Variants in TNN observed in about 807,000 individuals in gnomAD.
The protein encoded by TNN is tenascin N, also known as tenascin-N.
A neutral mutation model predicts 134.4 loss-of-function variants in TNN; 122 were observed. The ratio of observed to expected loss-of-function variants is 0.91; its 90% confidence interval spans 0.78 to 1.06. TNN has a LOEUF of 1.06. Among genes scored for constraint, TNN ranks in the 50% least tolerant of loss-of-function variants. TNN has a pLI of 0.00. For missense variants in TNN, 1,739 were observed against 1,699.4 expected (o/e 1.02, Z -0.41); for synonymous variants, 710 against 670.3 (o/e 1.06, Z -0.91).
At chr1:175,086,196 T>A (rs1391040395) in intron 6 of TNN, among the ~76,000 whole-genome samples, 1 of 152,242 alleles carries the variant, frequency 6.6e-6, no homozygotes. Context: ...TTTTTCCTGA[T>A]GCCCACATTC....
rs199634558 is a variant in TNN, at chr1:175,098,433, C to T, written c.1957C>T (p.Arg653Cys). 95 of 1,614,050 alleles carry T rather than the reference C, an allele frequency of 5.9e-5. No homozygotes were observed. The highest frequency in any genetic ancestry group is 6.9e-5 in the Non-Finnish European group (81 of 1,180,044). ...VQAAIDKYVV[R>C]YTSAGGETRE... is the part of the protein sequence containing the mutation. ...GGCCGCCATTGACAAGTACGTGGTG[C>T]GCTACACCTCTGCTGGTGGAGAGAC... is the stretch of plus-strand genomic sequence containing the variant. The change falls in exon 9 of 19, where the codon CGC (arginine) becomes TGC (cysteine). Residue 653 changes from arginine to cysteine, a missense_variant. Coordinates refer to ENST00000239462, the MANE Select transcript of TNN (RefSeq NM_022093.2).
chr1:175,072,235 A>T (rs1317816648), intron 1 of TNN, among the ~76,000 whole-genome samples: 1 of 152,122 alleles, frequency 6.6e-6, no homozygotes, highest in Non-Finnish European at 1.5e-5. Flanking sequence ...AGTCTAATGT[A>T]TCCCTCCCTC....
intron 1 of TNN, among the ~76,000 whole-genome samples, chr1:175,073,033 C>T (rs533350595): frequency 9.6e-5 from 14 of 145,538 alleles, no homozygotes; most frequent in Non-Finnish European, 1.5e-4. Context: ...ATGGAAAGCA[C>T]GGGCAGAGAA....
intron 1 of TNN, 112 bp from the exon 2 acceptor site, chr1:175,077,272 G>T: frequency 1.2e-6 from 1 of 826,338 alleles, no homozygotes; most frequent in East Asian, 2.4e-5. Flanking sequence ...AATAGAATGA[G>T]TTCTTTCTGC....
chr1:175,117,046 A>G lies in TNN; in HGVS notation c.2227A>G (p.Thr743Ala). 1 of 1,614,170 alleles carries G rather than the reference A, an allele frequency of 6.2e-7. No homozygotes were observed. The highest frequency in any genetic ancestry group is 1.1e-5 in the South Asian group (1 of 91,078). ...ATIDRYVVRY[T>A]SAKDGETREV... ...CATTGACAGGTATGTGGTGCGCTACACCTCTGCCAAGGACGGAGAGACCAG... is the reference window on the plus strand; with the variant it reads ...CATTGACAGGTATGTGGTGCGCTACGCCTCTGCCAAGGACGGAGAGACCAG... Residue 743 changes from threonine (T) to alanine (A), a missense_variant, in exon 10 of 19, where the codon ACC (threonine) becomes GCC (alanine). Transcript: ENST00000239462.
chr1:175,136,845 C>A lies in TNN; in HGVS notation c.3452C>A (p.Thr1151Asn), dbSNP rs772541494. 6.2e-7 allele frequency: 1 copy of A among 1,614,048 alleles called. No individual in the cohort carries two copies. The highest frequency in any genetic ancestry group is 8.5e-7 in the Non-Finnish European group (1 of 1,179,978). The stretch of plus-strand genomic sequence containing the variant: ...GGACTTGACAAGCTACACAACCTCA[C>A]CACCGGCACTCCAGCGCGGTATGAG... ...WLGLDKLHNL[T>N]TGTPARYEVR... Residue 1151 changes from threonine to asparagine, a missense_variant, in exon 17 of 19, where the codon ACC becomes AAC. Thr to Asn is a moderately conservative substitution (Grantham distance 65). Transcript: ENST00000239462.
At chr1:175,136,746 C>T in intron 16 of TNN, 75 bp from the exon 17 acceptor site, 4 of 1,438,112 alleles carry the variant, frequency 2.8e-6, no homozygotes, top group Non-Finnish European at 3.8e-6. Flanking sequence ...TTCTGAAAGC[C>T]TCAGACACAC....
rs1364809341 is a variant in TNN at position 175,099,595 on chromosome 1, AGGAGAGGTGAGGGGTCAGGAGG to A, written c.2119+1001_2119+1022del. Among the ~76,000 whole-genome samples the A allele has an allele frequency of 1.5e-4, 7 of 45,394 alleles. No homozygotes were observed. In the East Asian group the frequency reaches 3.4e-3, roughly 22 times the overall value. The allele number at this position is 45,394 out of a possible 152,430, so 29.8% of individuals were successfully genotyped here. On this transcript the variant is annotated intron_variant, in intron 9 of 18. Coordinates refer to ENST00000239462, the MANE Select transcript of TNN (RefSeq NM_022093.2). ...AGAGGAGAGATGAGGGCTCAGGAGGAGGAGAGGTGAGGGGTCAGGAGGAGGAGAGGTGAGGGGTCAGGAGGAG... is the reference window on the plus strand; with the variant it reads ...AGAGGAGAGATGAGGGCTCAGGAGGAAGGAGAGGTGAGGGGTCAGGAGGAG...
At chr1:175,129,170 T>A (rs189549681) in intron 15 of TNN, among the ~76,000 whole-genome samples, 202 of 152,312 alleles carry the variant, frequency 1.3e-3, no homozygotes, top group Middle Eastern at 3.4e-3. Context: ...TGGTTCGTGA[T>A]AAAGGATTAA....
intron 15 of TNN, among the ~76,000 whole-genome samples, chr1:175,133,739 T>G (rs1675730251): frequency 1.3e-5 from 2 of 152,222 alleles, no homozygotes; most frequent in African/African-American, 4.8e-5. Flanking sequence ...TTCTCTGTAC[T>G]AATTAGGATA....
At chr1:175,106,987 G>C (rs1674873063) in intron 9 of TNN, among the ~76,000 whole-genome samples, 1 of 146,186 alleles carries the variant, frequency 6.8e-6, no homozygotes, top group African/African-American at 2.5e-5. Context: ...AGATAGGACA[G>C]AATAGCAAGT....
At chr1:175,069,751 C>G (rs1171278979) in intron 1 of TNN, among the ~76,000 whole-genome samples, 1 of 152,214 alleles carries the variant, frequency 6.6e-6, no homozygotes, top group Non-Finnish European at 1.5e-5. Context: ...TTTGCTGCTT[C>G]TGCCACAGTG....
intron 15 of TNN, among the ~76,000 whole-genome samples, chr1:175,131,174 G>C (rs1230887467): frequency 6.6e-6 from 1 of 152,204 alleles, no homozygotes; most frequent in Non-Finnish European, 1.5e-5. Flanking sequence ...CTGAAGAATA[G>C]GCCAGAAGAA....
At chr1:175,107,794 C>T (rs1339550003) in intron 9 of TNN, among the ~76,000 whole-genome samples, 1 of 135,214 alleles carries the variant, frequency 7.4e-6, no homozygotes, top group Non-Finnish European at 1.6e-5. Context: ...AGGTTCTCCA[C>T]GTCCCCATCA....
At position 175,077,209 on chromosome 1, in the gene TNN, A is replaced by C. The variant is rs1674061164; in HGVS notation, c.-35-175A>C. Reference sequence around the variant, plus strand: ...GTAAGCAAAGAGAGGAGGCAGGAATATGCAATCTGTGAGGCAGGAACAGAA... The same window carrying C: ...GTAAGCAAAGAGAGGAGGCAGGAATCTGCAATCTGTGAGGCAGGAACAGAA... On this transcript the variant is annotated intron_variant, in intron 1 of 18. Coordinates refer to ENST00000239462, the MANE Select transcript of TNN (RefSeq NM_022093.2). Among the ~76,000 whole-genome samples, 3 of 152,302 alleles carry C rather than the reference A, an allele frequency of 2.0e-5. No homozygotes were observed. In the South Asian group the frequency reaches 6.2e-4, roughly 32 times the overall value.
intron 11 of TNN, 69 bp from the exon 12 acceptor site, chr1:175,123,331 G>C (rs1675423597): frequency 2.0e-6 from 3 of 1,532,744 alleles, no homozygotes; most frequent in Admixed American, 1.9e-5. Flanking sequence ...AGCTCCTGGT[G>C]ATGAGGTGGT....
chr1:175,099,052 A>G (rs544974729), intron 9 of TNN, among the ~76,000 whole-genome samples: 106 of 152,324 alleles, frequency 7.0e-4, no homozygotes, highest in Middle Eastern at 3.4e-3. Context: ...CAGTGTTTCC[A>G]TTAGCTAAAA....
At chr1:175,139,191 G>A (rs764782498) in intron 17 of TNN, among the ~76,000 whole-genome samples, 94 of 152,020 alleles carry the variant, frequency 6.2e-4, no homozygotes, top group Non-Finnish European at 1.1e-3. Flanking sequence ...TTCTTTCTTC[G>A]TTAATAAAAA....
intron 7 of TNN, among the ~76,000 whole-genome samples, 193 bp from the exon 8 acceptor site, chr1:175,097,224 T>A (rs1425018175): frequency 6.6e-6 from 1 of 152,214 alleles, no homozygotes; most frequent in African/African-American, 2.4e-5. Flanking sequence ...AAACTCCACT[T>A]CTTATTAAAT....
Sources: gnomAD v4.1 joint callset for allele counts (sites outside exome capture counted in the v4.1 genomes callset) on GRCh38, gnomAD v4.1.1 for gene constraint, MANE v1.5 for transcripts, NCBI Gene and HGNC (gene_info 2026-07-23, HGNC 2026-07-21) for gene names.